The following EYA1 variants were observed in gnomAD, a reference collection of about 807,000 sequenced individuals.
EYA1 encodes EYA transcriptional coactivator and phosphatase 1, also known as protein phosphatase EYA1.
Under a neutral mutation model 82.0 loss-of-function variants are expected in EYA1, and 16 were observed. That is an observed-to-expected ratio of 0.20 (90% confidence interval 0.13 to 0.30). The LOEUF (loss-of-function observed/expected upper bound fraction) is 0.30, where lower values mean the gene tolerates loss of function less well. Among genes scored for constraint, EYA1 ranks in the 10% least tolerant of loss-of-function variants. The probability of loss-of-function intolerance (pLI) is 1.00; values close to 1 mark genes in which losing one functional copy is unlikely to be tolerated. For missense variants in EYA1, 633 were observed against 730.7 expected, an observed-to-expected ratio of 0.87 and a Z score of 1.54; for synonymous variants, 261 against 264.4, an observed-to-expected ratio of 0.99 and a Z score of 0.12.
chr8:71,265,167 GT>G (rs35272457), intron 11 of EYA1, among the ~76,000 whole-genome samples: 35 of 150,860 alleles, frequency 2.3e-4, no homozygotes, highest in African/African-American at 7.8e-4. Context: ...TTTTTGTTTT[GT>G]TTTTTTTTGA....
chr8:71,338,600 A>T (rs896809800), intron 3 of EYA1, among the ~76,000 whole-genome samples: 1 of 152,236 alleles, frequency 6.6e-6, no homozygotes, highest in African/African-American at 2.4e-5. Context: ...TGAAGGTTCC[A>T]GTCGTACAGA....
intron 2 of EYA1, among the ~76,000 whole-genome samples, chr8:71,508,496 T>G (rs1016584520): frequency 1.3e-5 from 2 of 152,148 alleles, no homozygotes; most frequent in African/African-American, 4.8e-5. Context: ...AATGTTTATG[T>G]CCCCACAAAA....
chr8:71,376,768 C>T (rs567395310), intron 2 of EYA1, among the ~76,000 whole-genome samples: 1 of 152,262 alleles, frequency 6.6e-6, no homozygotes, highest in Admixed American at 6.5e-5. Context: ...CTTTCTTGCT[C>T]ATACAAGAAC....
chr8:71,342,425 T>A (rs1825245131), intron 3 of EYA1, among the ~76,000 whole-genome samples: 1 of 152,140 alleles, frequency 6.6e-6, no homozygotes. Flanking sequence ...CTATTCAAAT[T>A]CTACCCATTT....
intron 2 of EYA1, among the ~76,000 whole-genome samples, chr8:71,441,591 G>T (rs767343203): frequency 1.7e-4 from 26 of 152,098 alleles, no homozygotes; most frequent in Non-Finnish European, 3.2e-4. Context: ...TAAAAATAAA[G>T]AATATTGGTT....
At chr8:71,490,521 A>T (rs1321373290) in intron 2 of EYA1, among the ~76,000 whole-genome samples, 1 of 152,232 alleles carries the variant, frequency 6.6e-6, no homozygotes, top group Non-Finnish European at 1.5e-5. Flanking sequence ...ATAAAGATAT[A>T]AATGCAAATA....
At position 71,198,018 on chromosome 8, in the gene EYA1, A is replaced by AAAGAG. The variant is rs1310957951; in HGVS notation, c.*1317_*1321dup. On this transcript the variant is annotated 3_prime_UTR_variant, in exon 18 of 18. Coordinates refer to ENST00000340726, the MANE Select transcript of EYA1 (RefSeq NM_000503.6). ...GAACCTTCCTCAGGGTGACAGGAAG[A>AAAGAG]AAGAGAAAATACGCACATAGGGAGT... 2 of 152,332 alleles carry AAAGAG rather than the reference A, an allele frequency of 1.3e-5. No individual in the cohort carries two copies. Among genetic ancestry groups the AAAGAG allele is most frequent in the East Asian group, 3.9e-4 (2 of 5,186 alleles). The allele number at this position is 152,332 out of a possible 1,614,324, so 9.4% of individuals were successfully genotyped here.
intron 2 of EYA1, among the ~76,000 whole-genome samples, chr8:71,464,935 TC>T (rs1431280080): frequency 2.6e-5 from 4 of 152,138 alleles, no homozygotes; most frequent in African/African-American, 9.7e-5. Context: ...GATTACAACT[TC>T]CCCCTGAGTA....
At chr8:71,425,263 G>A (rs1020076663) in intron 2 of EYA1, among the ~76,000 whole-genome samples, 1 of 151,290 alleles carries the variant, frequency 6.6e-6, no homozygotes, top group African/African-American at 2.4e-5. Context: ...ACTCCAGCCT[G>A]GGTGACAGAG....
chr8:71,264,551 A>G (rs1026320638), intron 11 of EYA1, among the ~76,000 whole-genome samples: 4 of 151,340 alleles, frequency 2.6e-5, no homozygotes, highest in African/African-American at 9.7e-5. Context: ...GACTCTGTGC[A>G]TGGACTTTTA....
At chr8:71,499,143 C>T in intron 2 of EYA1, among the ~76,000 whole-genome samples, 1 of 152,112 alleles carries the variant, frequency 6.6e-6, no homozygotes, top group Non-Finnish European at 1.5e-5. Flanking sequence ...TTCTAAATAA[C>T]ATCTAGGGGA....
At chr8:71,317,474 A>G in intron 7 of EYA1, 78 bp downstream of exon 7, 1 of 1,456,426 alleles carries the variant, frequency 6.9e-7, no homozygotes, top group Non-Finnish European at 9.6e-7. Flanking sequence ...TACTATTTAC[A>G]TGGAACATCA....
At chr8:71,217,390 T>C (rs758214203) in intron 12 of EYA1, among the ~76,000 whole-genome samples, 11 of 152,204 alleles carry the variant, frequency 7.2e-5, no homozygotes, top group African/African-American at 2.2e-4. Flanking sequence ...ACCAGACATT[T>C]TGGTAAATGT....
At chr8:71,489,916 C>G (rs780873618) in intron 2 of EYA1, among the ~76,000 whole-genome samples, 1 of 152,184 alleles carries the variant, frequency 6.6e-6, no homozygotes, top group Non-Finnish European at 1.5e-5. Context: ...AGGAGTGCAG[C>G]CTGCCCAGCT....
chr8:71,369,064 G>C (rs981485547), intron 2 of EYA1, among the ~76,000 whole-genome samples: 1 of 149,094 alleles, frequency 6.7e-6, no homozygotes, highest in African/African-American at 2.5e-5. Context: ...ATAGCTGGAC[G>C]TGGTGGCATG....
chr8:71,359,736 C>G (rs1181178759), intron 1 of EYA1, among the ~76,000 whole-genome samples: 4 of 151,846 alleles, frequency 2.6e-5, no homozygotes, highest in Non-Finnish European at 5.9e-5. Context: ...TAATTTAAAA[C>G]TTTTTTTTCA....
chr8:71,206,225 C>CT (rs34098587), intron 17 of EYA1, among the ~76,000 whole-genome samples: 54,131 of 148,130 alleles, frequency 0.37, 10,231 homozygotes, highest in East Asian at 0.77. Flanking sequence ...TTTGAAGAAA[C>CT]TTTTTTTTTT....
At chr8:71,225,054 C>T in intron 12 of EYA1, 1 of 304,260 alleles carries the variant, frequency 3.3e-6, no homozygotes, top group Non-Finnish European at 6.7e-6. Flanking sequence ...ACCCTCTGTC[C>T]ATGAATTAGT....
At chr8:71,247,137 C>T (rs936297939) in intron 11 of EYA1, among the ~76,000 whole-genome samples, 5 of 152,164 alleles carry the variant, frequency 3.3e-5, no homozygotes, top group African/African-American at 1.2e-4. Context: ...CCCTCTAGCA[C>T]CTCTCACCCC....
Sources: allele counts gnomAD v4.1 joint callset (sites outside exome capture counted in the v4.1 genomes callset), GRCh38; gene constraint gnomAD v4.1.1; transcripts MANE v1.5; gene names NCBI Gene and HGNC (gene_info 2026-07-23, HGNC 2026-07-21).